Variants in HCN1 observed in about 807,000 individuals in gnomAD.
The protein encoded by HCN1 is hyperpolarization activated cyclic nucleotide gated potassium channel 1, also known as potassium/sodium hyperpolarization-activated cyclic nucleotide-gated channel 1.
HCN1 carries 13 observed loss-of-function variants against 78.9 expected under a neutral mutation model. The observed-to-expected ratio is 0.16, with a 90% CI of 0.11 to 0.26. The LOEUF (loss-of-function observed/expected upper bound fraction) is 0.26. Ranked by LOEUF, HCN1 falls within the 10% of genes least tolerant of loss-of-function variation. HCN1 has a pLI of 1.00. For missense variants in HCN1, 810 were observed against 1,154.3 expected (o/e 0.70, Z 4.32); for synonymous variants, 552 against 455.5 (o/e 1.21, Z -2.70).
In HCN1 at chr5:45,259,136, T is replaced by C. The variant is rs894736337; in HGVS notation, c.*2785A>G. ...GAATATAATTGATTTTATGTGATTA[T>C]CAAGTATAAGCTCTTGGAAATTTTA... On this transcript the variant is annotated 3_prime_UTR_variant, in exon 8 of 8. Transcript: ENST00000303230. 6 of 152,006 alleles carry C rather than the reference T, an allele frequency of 3.9e-5. No homozygotes were observed. The highest frequency in any genetic ancestry group is 8.8e-5 in the Non-Finnish European group (6 of 67,932). The allele number at this position is 152,006 out of a possible 1,614,324, so 9.4% of individuals were successfully genotyped here.
intron 5 of HCN1, among the ~76,000 whole-genome samples, chr5:45,333,141 G>T (rs1223402728): frequency 6.6e-6 from 1 of 151,542 alleles, no homozygotes; most frequent in Admixed American, 6.6e-5. Flanking sequence ...CCACATCCTT[G>T]CAAGCATTTG....
intron 2 of HCN1, among the ~76,000 whole-genome samples, chr5:45,613,630 C>T (rs1023274400): frequency 1.3e-5 from 2 of 151,846 alleles, no homozygotes; most frequent in African/African-American, 4.8e-5. Context: ...ACCCAAAGGA[C>T]TATAAATCAT....
chr5:45,346,158 C>T (rs1298703596), intron 5 of HCN1, among the ~76,000 whole-genome samples: 3 of 152,124 alleles, frequency 2.0e-5, no homozygotes, highest in Non-Finnish European at 4.4e-5. Flanking sequence ...GGTAACCATC[C>T]CCATGATTCA....
intron 5 of HCN1, among the ~76,000 whole-genome samples, chr5:45,348,706 AG>A (rs1313065897): frequency 3.9e-5 from 6 of 152,206 alleles, no homozygotes; most frequent in Non-Finnish European, 7.3e-5. Flanking sequence ...AACAAAAAAA[AG>A]GCAAGGGTTG....
At chr5:45,363,475 T>C (rs1317790522) in intron 4 of HCN1, among the ~76,000 whole-genome samples, 2 of 151,900 alleles carry the variant, frequency 1.3e-5, no homozygotes, top group African/African-American at 4.8e-5. Flanking sequence ...ATAAGGTTCA[T>C]TCTACACAGT....
At chr5:45,512,689 T>C (rs1293226451) in intron 2 of HCN1, among the ~76,000 whole-genome samples, 1 of 152,062 alleles carries the variant, frequency 6.6e-6, no homozygotes, top group Non-Finnish European at 1.5e-5. Context: ...AATTCCACAG[T>C]AGCCACGGTT....
chr5:45,629,675 C>G (rs773095335), intron 2 of HCN1, among the ~76,000 whole-genome samples: 1 of 152,032 alleles, frequency 6.6e-6, no homozygotes, highest in Non-Finnish European at 1.5e-5. Context: ...GCTTGTATTT[C>G]AAGTGTTCTC....
chr5:45,655,553 A>C (rs1393900613), intron 1 of HCN1, among the ~76,000 whole-genome samples: 2 of 152,132 alleles, frequency 1.3e-5, no homozygotes, highest in African/African-American at 4.8e-5. Context: ...ACTTCCACCT[A>C]TTCTTATCAG....
At chr5:45,463,126 T>C (rs979776073) in intron 2 of HCN1, among the ~76,000 whole-genome samples, 1 of 151,932 alleles carries the variant, frequency 6.6e-6, no homozygotes, top group African/African-American at 2.4e-5. Flanking sequence ...CAAGGTAAAC[T>C]TGTATTGAAA....
At chr5:45,375,213 T>C (rs866085328) in intron 4 of HCN1, among the ~76,000 whole-genome samples, 7 of 113,804 alleles carry the variant, frequency 6.2e-5, no homozygotes, top group East Asian at 2.2e-4. Context: ...TTTTATAATA[T>C]ATAATATAAT....
At chr5:45,523,053 C>T (rs1742647755) in intron 2 of HCN1, among the ~76,000 whole-genome samples, 2 of 151,632 alleles carry the variant, frequency 1.3e-5, no homozygotes, top group South Asian at 4.2e-4. Flanking sequence ...GTTCCCCTTC[C>T]TGTGTCCATG....
chr5:45,687,796 C>T (rs528165360), intron 1 of HCN1, among the ~76,000 whole-genome samples: 10 of 152,148 alleles, frequency 6.6e-5, no homozygotes, highest in South Asian at 6.2e-4. Context: ...TGTACACATG[C>T]GGGAATTTTT....
intron 2 of HCN1, among the ~76,000 whole-genome samples, chr5:45,514,503 G>A (rs922795337): frequency 8.5e-5 from 13 of 152,156 alleles, no homozygotes; most frequent in Admixed American, 2.0e-4. Context: ...ATTTCTTGCC[G>A]AGTTCAAAAC....
intron 5 of HCN1, among the ~76,000 whole-genome samples, chr5:45,338,451 A>G (rs1255710359): frequency 6.6e-6 from 1 of 152,172 alleles, no homozygotes; most frequent in Non-Finnish European, 1.5e-5. Flanking sequence ...AGCAATTCTA[A>G]TCATGTATAT....
At chr5:45,340,883 C>A (rs992124333) in intron 5 of HCN1, among the ~76,000 whole-genome samples, 1 of 152,130 alleles carries the variant, frequency 6.6e-6, no homozygotes, top group Non-Finnish European at 1.5e-5. Context: ...GAGCAAACAT[C>A]CAATTCATGC....
chr5:45,371,431 T>G (rs1185945070), intron 4 of HCN1, among the ~76,000 whole-genome samples: 1 of 151,558 alleles, frequency 6.6e-6, no homozygotes, highest in East Asian at 1.9e-4. Context: ...AATTCAACAA[T>G]GACAAAGGGG....
chr5:45,351,850 T>A (rs2111981229), intron 5 of HCN1, among the ~76,000 whole-genome samples: 1 of 152,040 alleles, frequency 6.6e-6, no homozygotes, highest in East Asian at 1.9e-4. Flanking sequence ...CCAGTTAGAA[T>A]GGCGATCATT....
chr5:45,321,284 T>C (rs1343237702), intron 5 of HCN1, among the ~76,000 whole-genome samples: 3 of 151,902 alleles, frequency 2.0e-5, no homozygotes, highest in Non-Finnish European at 2.9e-5. Flanking sequence ...GCATATTATA[T>C]CTCACTTATT....
chr5:45,672,713 AT>A (rs570434825), intron 1 of HCN1, among the ~76,000 whole-genome samples: 2 of 151,226 alleles, frequency 1.3e-5, no homozygotes, highest in Non-Finnish European at 3.0e-5. Flanking sequence ...AAAAGATCCA[AT>A]TTTTTTTAAT....
Sources: gnomAD v4.1 joint callset for allele counts (sites outside exome capture counted in the v4.1 genomes callset) on GRCh38, gnomAD v4.1.1 for gene constraint, MANE v1.5 for transcripts, NCBI Gene and HGNC (gene_info 2026-07-23, HGNC 2026-07-21) for gene names.